The following AGMO variants were observed in gnomAD, a reference collection of about 807,000 sequenced individuals.
AGMO encodes alkylglycerol monooxygenase.
In AGMO, 75 loss-of-function variants were observed where a neutral mutation model predicts 60.2. That is an observed-to-expected ratio of 1.25 (90% CI 1.03 to 1.51). AGMO has a LOEUF of 1.51. Among genes scored for constraint, AGMO ranks in the 40% most tolerant of loss-of-function variants. The pLI is 0.00. For missense variants in AGMO, 763 were observed against 525.5 expected (o/e 1.45, Z -4.42); for synonymous variants, 261 against 177.1 (o/e 1.47, Z -3.76).
At chr7:15,417,394 T>C (rs920732001) in intron 5 of AGMO, among the ~76,000 whole-genome samples, 1 of 152,140 alleles carries the variant, frequency 6.6e-6, no homozygotes, top group African/African-American at 2.4e-5. Context: ...ACTGAGGCAC[T>C]ATTGTTCTGT....
chr7:15,128,921 G>C, the AGMO span, among the ~76,000 whole-genome samples: 2 of 152,198 alleles, frequency 1.3e-5, no homozygotes, highest in African/African-American at 4.8e-5. Flanking sequence ...CTCACATTTG[G>C]CAGATACTCA....
intron 12 of AGMO, among the ~76,000 whole-genome samples, chr7:15,332,606 T>TG (rs1284026101): frequency 2.0e-5 from 3 of 152,112 alleles, no homozygotes; most frequent in African/African-American, 7.2e-5. Flanking sequence ...GTATGACCCT[T>TG]GGCAAGTAAA....
chr7:15,289,671 C>G (rs1284128358), intron 12 of AGMO, among the ~76,000 whole-genome samples: 1 of 152,010 alleles, frequency 6.6e-6, no homozygotes, highest in African/African-American at 2.4e-5. Context: ...ACCTACTTCC[C>G]TGGAAAATAA....
Position 15,209,395 on chromosome 7 carries a change from T to G in AGMO, c.1264-8036A>C, listed in dbSNP as rs576564233. 6.0e-4 allele frequency among the ~76,000 whole-genome samples: 64 copies of G among 107,202 alleles called. 2 individuals are homozygous for G. The South Asian group carries it at 0.018, about 31-fold the overall frequency. 70.3% of individuals were successfully genotyped at this position (107,202 alleles called of 152,430 possible). ...AAAAAAAAGTCTCAAAAAATGAGGT[T>G]TTTTTTTAGGGAAAAAATGCCATGT... On this transcript the variant is annotated intron_variant, in intron 12 of 12. Transcript: ENST00000342526.
At chr7:15,263,181 C>T (rs1455041854) in intron 12 of AGMO, among the ~76,000 whole-genome samples, 1 of 151,874 alleles carries the variant, frequency 6.6e-6, no homozygotes, top group Non-Finnish European at 1.5e-5. Flanking sequence ...ATCCATACAC[C>T]TGACAAAGAT....
chr7:15,181,319 GC>G, the AGMO span, among the ~76,000 whole-genome samples: 2 of 152,068 alleles, frequency 1.3e-5, no homozygotes, highest in African/African-American at 4.8e-5. Context: ...TTATTTTAAT[GC>G]CCACATTTTA....
chr7:15,558,168 G>A (rs1785201061), intron 2 of AGMO, among the ~76,000 whole-genome samples: 1 of 151,434 alleles, frequency 6.6e-6, no homozygotes, highest in Non-Finnish European at 1.5e-5. Flanking sequence ...TGTATTTCTG[G>A]TACTTACAAT....
At chr7:15,553,839 G>T (rs1222793759) in intron 2 of AGMO, among the ~76,000 whole-genome samples, 1 of 152,004 alleles carries the variant, frequency 6.6e-6, no homozygotes, top group Non-Finnish European at 1.5e-5. Flanking sequence ...ACTTATTAGG[G>T]TTAACACAAA....
chr7:15,507,276 G>A lies in AGMO; in HGVS notation c.409+37496C>T, dbSNP rs539253883. On this transcript the variant is annotated intron_variant, in intron 3 of 12. Coordinates refer to ENST00000342526, the MANE Select transcript of AGMO (RefSeq NM_001004320.2). ...ATGACTGGAAAATTATCAACATAGGGATGGGTAGCATGAATATCAATACTA... is the reference window on the plus strand; with the variant it reads ...ATGACTGGAAAATTATCAACATAGGAATGGGTAGCATGAATATCAATACTA... 2.0e-3 allele frequency among the ~76,000 whole-genome samples: 299 copies of A among 152,124 alleles called. 1 individual carries two copies. Among genetic ancestry groups the A allele is most frequent in the Non-Finnish European group, 3.6e-3 (245 of 67,968 alleles).
intron 12 of AGMO, among the ~76,000 whole-genome samples, chr7:15,335,600 C>T (rs990288093): frequency 6.6e-6 from 1 of 152,104 alleles, no homozygotes; most frequent in East Asian, 1.9e-4. Context: ...CATCTTTGTG[C>T]AGACAGGCCC....
chr7:15,327,629 G>A (rs1216826024), intron 12 of AGMO, among the ~76,000 whole-genome samples: 2 of 151,702 alleles, frequency 1.3e-5, no homozygotes, highest in Non-Finnish European at 2.9e-5. Flanking sequence ...AACTATAAAC[G>A]ACAATGGGAG....
At chr7:15,140,527 G>A in the AGMO span, among the ~76,000 whole-genome samples, 1 of 151,658 alleles carries the variant, frequency 6.6e-6, no homozygotes, top group Non-Finnish European at 1.5e-5. Context: ...ACATATTTCA[G>A]GACTTCCATT....
Position 15,355,748 on chromosome 7 carries a change from G to A in AGMO, c.1263+9766C>T, listed in dbSNP as rs117140044. On this transcript the variant is annotated intron_variant, in intron 12 of 12. Transcript: ENST00000342526. ...GTACCATCTTCATACATAAAGGGGA[G>A]TATTGTATTATATGGAATTATTCTG... Among the ~76,000 whole-genome samples the A allele has an allele frequency of 8.4e-3, 1,278 of 152,086 alleles. 11 individuals are homozygous for A. The highest frequency in any genetic ancestry group is 0.018 in the South Asian group (87 of 4,816).
chr7:15,136,635 G>GA, the AGMO span, among the ~76,000 whole-genome samples: 1 of 152,040 alleles, frequency 6.6e-6, no homozygotes, highest in Non-Finnish European at 1.5e-5. Flanking sequence ...CTGCATGAAG[G>GA]AAAAATAACG....
chr7:15,192,269 C>A, the AGMO span, among the ~76,000 whole-genome samples: 1 of 149,420 alleles, frequency 6.7e-6, no homozygotes, highest in South Asian at 2.2e-4. Flanking sequence ...CCATGCCCCC[C>A]ACATCCTGTA....
At chr7:15,273,535 T>C (rs918386284) in intron 12 of AGMO, among the ~76,000 whole-genome samples, 2 of 152,206 alleles carry the variant, frequency 1.3e-5, no homozygotes, top group African/African-American at 2.4e-5. Flanking sequence ...CCTTGTAGTA[T>C]AGTTTGAAGT....
the AGMO span, among the ~76,000 whole-genome samples, chr7:15,163,336 C>G: frequency 6.6e-6 from 1 of 152,092 alleles, no homozygotes; most frequent in Non-Finnish European, 1.5e-5. Context: ...CCTTACTGCT[C>G]TGGCTGAGTT....
rs1554422555 is a variant in AGMO at position 15,354,341 on chromosome 7, C to CACGCGTGTATATAG, written c.1263+11159_1263+11172dup. On this transcript the variant is annotated intron_variant, in intron 12 of 12. Transcript: ENST00000342526. ...GTGTATATACGTACGCGTGTATATA[C>CACGCGTGTATATAG]ACGCGTGTATATAGACGTGTGTATA... Among the ~76,000 whole-genome samples the CACGCGTGTATATAG allele has an allele frequency of 3.8e-4, 13 of 34,062 alleles. 1 individual carries two copies. The East Asian group carries it at 4.0e-3, about 10-fold the overall frequency. The allele number at this position is 34,062 out of a possible 152,430, so 22.3% of individuals were successfully genotyped here.
intron 12 of AGMO, among the ~76,000 whole-genome samples, chr7:15,250,122 A>G (rs529889309): frequency 7.9e-5 from 12 of 152,158 alleles, no homozygotes; most frequent in Non-Finnish European, 1.2e-4. Context: ...ACATTTTGTA[A>G]AATGATTAGC....
Sources: allele counts gnomAD v4.1 joint callset (sites outside exome capture counted in the v4.1 genomes callset), GRCh38; gene constraint gnomAD v4.1.1; transcripts MANE v1.5; gene names NCBI Gene and HGNC (gene_info 2026-07-23, HGNC 2026-07-21).